Variants in CACYBP observed in about 807,000 individuals in gnomAD.
The protein encoded by CACYBP is calcyclin-binding protein.
CACYBP carries 11 observed loss-of-function variants against 29.6 expected under a neutral mutation model. That is an observed-to-expected ratio of 0.37 (90% CI 0.23 to 0.61). The LOEUF is 0.61. Ranked by LOEUF, CACYBP falls within the 20% of genes least tolerant of loss-of-function variation. The probability of loss-of-function intolerance (pLI) is 0.65; values close to 1 mark genes in which losing one functional copy is unlikely to be tolerated. For missense variants in CACYBP, 163 were observed against 260.7 expected, an observed-to-expected ratio of 0.63 and a Z score of 2.58; for synonymous variants, 73 against 88.3, an observed-to-expected ratio of 0.83 and a Z score of 0.97.
chr1:175,000,109 G>A lies in CACYBP; in HGVS notation c.-72G>A, dbSNP rs948978871. 1.3e-6 allele frequency: 2 copies of A among 1,557,666 alleles called. No homozygotes were observed. The highest frequency in any genetic ancestry group is 1.9e-5 in the Admixed American group (1 of 52,594). On this transcript the variant is annotated 5_prime_UTR_variant, in exon 1 of 6. Transcript: ENST00000367679. ...GGTAGGCGTCTGCGCTCGGTTTGAG[G>A]GCTCGGCGCGGGGTTTCCTGTTCCT... is the stretch of plus-strand genomic sequence containing the variant.
chr1:175,002,754 A>G (rs749364972), intron 1 of CACYBP, among the ~76,000 whole-genome samples: 2 of 152,200 alleles, frequency 1.3e-5, no homozygotes, highest in Non-Finnish European at 2.9e-5. Flanking sequence ...CTTCATAATA[A>G]AAAGAGTACT....
intron 1 of CACYBP, among the ~76,000 whole-genome samples, chr1:175,001,891 G>A (rs528795264): frequency 6.6e-6 from 1 of 152,206 alleles, no homozygotes; most frequent in Admixed American, 6.5e-5. Context: ...ACAGGCGCGC[G>A]CCACCATGCC....
intron 1 of CACYBP, among the ~76,000 whole-genome samples, chr1:175,003,091 T>A (rs2149410186): frequency 6.6e-6 from 1 of 151,336 alleles, no homozygotes; most frequent in South Asian, 2.1e-4. Context: ...GGGTCGAGAG[T>A]GTGGACAAGA....
At chr1:175,006,102 A>G (rs566447520) in intron 2 of CACYBP, among the ~76,000 whole-genome samples, 1 of 152,276 alleles carries the variant, frequency 6.6e-6, no homozygotes, top group African/African-American at 2.4e-5. Context: ...TACAAATGTG[A>G]TGGTATTTTG....
rs1672446478 is a variant in CACYBP, at chr1:175,000,496, C to T, written c.15+301C>T. 1.1e-5 allele frequency: 14 copies of T among 1,311,228 alleles called. No individual in the cohort carries two copies. In the South Asian group the frequency reaches 2.3e-4, roughly 22 times the overall value. 81.2% of individuals were successfully genotyped at this position (1,311,228 alleles called of 1,614,324 possible). The stretch of plus-strand genomic sequence containing the variant: ...AGAGCGGCCCTTTGCGCGTGTTCCT[C>T]AGGCCCTTTCTGCCCTGGTTTCCCA... On this transcript the variant is annotated intron_variant, in intron 1 of 5. Coordinates refer to ENST00000367679, the MANE Select transcript of CACYBP (RefSeq NM_014412.3).
In CACYBP at chr1:175,000,133, C is replaced by T. The variant is rs574197445; in HGVS notation, c.-48C>T. ...GGGCTCGGCGCGGGGTTTCCTGTTCCTCCTTCTGCGCGGCTGCAGCTCGGG... is the reference window on the plus strand; with the variant it reads ...GGGCTCGGCGCGGGGTTTCCTGTTCTTCCTTCTGCGCGGCTGCAGCTCGGG... On this transcript the variant is annotated 5_prime_UTR_variant, in exon 1 of 6. Transcript: ENST00000367679. 4.5e-5 allele frequency: 71 copies of T among 1,586,900 alleles called. No individual in the cohort carries two copies. In the South Asian group the frequency reaches 7.5e-4, roughly 17 times the overall value.
chr1:175,010,420 T>G lies in CACYBP; in HGVS notation c.*341T>G, dbSNP rs1311057277. The stretch of plus-strand genomic sequence containing the variant: ...AGCTAAGAATTGGAAAAGTATTTGC[T>G]TGCCTTTTAAGTTACTGACATCAGC... On this transcript the variant is annotated 3_prime_UTR_variant, in exon 6 of 6. Coordinates refer to ENST00000367679, the MANE Select transcript of CACYBP (RefSeq NM_014412.3). 6.1e-6 allele frequency: 1 copy of G among 162,896 alleles called. No individual in the cohort carries two copies. The highest frequency in any genetic ancestry group is 2.4e-5 in the African/African-American group (1 of 41,820). 10.1% of individuals were successfully genotyped at this position (162,896 alleles called of 1,614,324 possible). A position where few individuals can be genotyped will look rare whatever the true frequency, so the allele number is the denominator to read the frequency against.
intron 4 of CACYBP, 52 bp from the exon 5 acceptor site, chr1:175,008,557 T>C (rs1046382856): frequency 7.2e-6 from 6 of 833,976 alleles, no homozygotes; most frequent in Middle Eastern, 3.2e-4. Flanking sequence ...TAAATATTCA[T>C]GCTTATCTCC....
chr1:175,000,309 G>A, intron 1 of CACYBP, 114 bp downstream of exon 1: 1 of 1,498,686 alleles, frequency 6.7e-7, no homozygotes, highest in Non-Finnish European at 8.9e-7. Flanking sequence ...CCGGTCCCGC[G>A]CCAGTCAGTG....
chr1:175,003,666 A>G (rs1205866928), intron 1 of CACYBP, among the ~76,000 whole-genome samples: 3 of 152,166 alleles, frequency 2.0e-5, no homozygotes, highest in Non-Finnish European at 2.9e-5. Context: ...TTTTTTGGTC[A>G]AGTTGGTAGT....
chr1:175,008,750 T>C (rs1007436667), intron 5 of CACYBP, 44 bp downstream of exon 5: 2 of 915,566 alleles, frequency 2.2e-6, no homozygotes, highest in East Asian at 2.4e-5. Context: ...GTGTATTGTT[T>C]GAGATCATGG....
rs1458670119 is a variant in CACYBP, at chr1:175,011,719, AAG to A, written c.*1642_*1643del. 1 of 152,246 alleles carries A rather than the reference AAG, an allele frequency of 6.6e-6. No individual in the cohort carries two copies. The highest frequency in any genetic ancestry group is 1.9e-4 in the East Asian group (1 of 5,202). 9.4% of individuals were successfully genotyped at this position (152,246 alleles called of 1,614,324 possible). On this transcript the variant is annotated 3_prime_UTR_variant, in exon 6 of 6. Transcript: ENST00000367679. ...CAGTGTTTTTACCTTTCACTTGAAAAAGAAGTATAAAAACAACTGTATTGAGT... is the reference window on the plus strand; with the variant it reads ...CAGTGTTTTTACCTTTCACTTGAAAAAAGTATAAAAACAACTGTATTGAGT...
chr1:175,004,831 A>T lies in CACYBP; in HGVS notation c.233A>T (p.Tyr78Phe). The T allele has an allele frequency of 6.3e-7, 1 of 1,599,534 alleles. No homozygotes were observed. Among genetic ancestry groups the T allele is most frequent in the Non-Finnish European group, 8.6e-7 (1 of 1,166,666 alleles). Residue 78 changes from tyrosine (Y) to phenylalanine (F), a missense_variant and splice_region_variant, in exon 2 of 6, where the codon TAT becomes TTT. Physicochemically the swap from Tyr to Phe is conservative, Grantham distance 22. Transcript: ENST00000367679. Reference protein sequence around the residue: ...TTGYTVKISNYGWDQSDKFVK... With the variant: ...TTGYTVKISNFGWDQSDKFVK... ...GGCTATACGGTGAAAATCAGTAATT[A>T]TGGTATGACTTGCTTCCCTATAGCC... is the stretch of plus-strand genomic sequence containing the variant.
intron 1 of CACYBP, chr1:175,000,409 C>T: frequency 7.1e-7 from 1 of 1,401,850 alleles, no homozygotes. Flanking sequence ...CACTCGCCTG[C>T]TGGGCTCGAG....
chr1:175,011,070 C>T lies in CACYBP; in HGVS notation c.*991C>T, dbSNP rs568752762. The T allele has an allele frequency of 2.1e-5, 3 of 140,276 alleles. No homozygotes were observed. The highest frequency in any genetic ancestry group is 7.5e-5 in the Admixed American group (1 of 13,308). 8.7% of individuals were successfully genotyped at this position (140,276 alleles called of 1,614,324 possible). A position where few individuals can be genotyped will look rare whatever the true frequency, so the allele number is the denominator to read the frequency against. ...AGTGAGCTATGATGATGCCACTGTA[C>T]TGCAGCTTGGGTAACAGATTGAGAA... On this transcript the variant is annotated 3_prime_UTR_variant, in exon 6 of 6. Coordinates refer to ENST00000367679, the MANE Select transcript of CACYBP (RefSeq NM_014412.3).
chr1:175,005,329 GTAGTAA>G (rs1156963653), intron 2 of CACYBP, among the ~76,000 whole-genome samples: 16 of 134,178 alleles, frequency 1.2e-4, no homozygotes, highest in African/African-American at 6.1e-4. Flanking sequence ...GTATAACAAT[GTAGTAA>G]TACTGTTTTC....
intron 1 of CACYBP, among the ~76,000 whole-genome samples, chr1:175,003,521 A>C (rs1162326195): frequency 5.3e-5 from 8 of 152,250 alleles, no homozygotes; most frequent in Non-Finnish European, 1.5e-5. Context: ...GAAAAGAATT[A>C]GTTCTGTTAT....
upstream of CACYBP, chr1:174,999,845 G>A (rs764512900): frequency 4.1e-4 from 193 of 468,490 alleles, 2 homozygotes; most frequent in Admixed American, 1.6e-3. Context: ...AGACTTGAGC[G>A]TTGCTAGGAG....
At position 175,010,014 on chromosome 1, in the gene CACYBP, C is replaced by A. The variant is rs1311482210; in HGVS notation, c.622C>A (p.Arg208=). Residue 208 remains arginine (R), a synonymous_variant, in exon 6 of 6, where the codon CGA becomes AGA. Transcript: ENST00000367679. ...IYEDGDDDMK[R]TINKAWVESR... ...TGAAGATGGAGACGATGATATGAAGCGAACCATTAATAAAGCCTGGGTGGA... is the reference window on the plus strand; with the variant it reads ...TGAAGATGGAGACGATGATATGAAGAGAACCATTAATAAAGCCTGGGTGGA... 1 of 1,613,230 alleles carries A rather than the reference C, an allele frequency of 6.2e-7. No individual in the cohort carries two copies. The highest frequency in any genetic ancestry group is 8.5e-7 in the Non-Finnish European group (1 of 1,179,502).
Sources: gnomAD v4.1 joint callset for allele counts (sites outside exome capture counted in the v4.1 genomes callset) on GRCh38, gnomAD v4.1.1 for gene constraint, MANE v1.5 for transcripts, NCBI Gene and HGNC (gene_info 2026-07-23, HGNC 2026-07-21) for gene names.